STAG1: variants seen among roughly 807,000 people sequenced by gnomAD.
The protein encoded by STAG1 is cohesin subunit SA-1.
Under a neutral mutation model 170.9 loss-of-function variants are expected in STAG1, and 26 were observed. The observed-to-expected ratio is 0.15, with a 90% CI of 0.11 to 0.21. STAG1 has a LOEUF of 0.21. Ranked by LOEUF, STAG1 falls within the 10% of genes least tolerant of loss-of-function variation. The pLI is 1.00. For missense variants in STAG1, 964 were observed against 1,509.5 expected, an observed-to-expected ratio of 0.64 and a Z score of 5.99; for synonymous variants, 514 against 497.7, an observed-to-expected ratio of 1.03 and a Z score of -0.44.
At chr3:136,640,236 A>G (rs1029299833) in intron 1 of STAG1, among the ~76,000 whole-genome samples, 1 of 152,242 alleles carries the variant, frequency 6.6e-6, no homozygotes, top group African/African-American at 2.4e-5. Context: ...AGGAAAAGTT[A>G]TTTTATAACA....
intron 4 of STAG1, among the ~76,000 whole-genome samples, chr3:136,575,954 A>T (rs182709633): frequency 3.5e-4 from 54 of 152,312 alleles, no homozygotes; most frequent in African/African-American, 1.3e-3. Context: ...CTTTTGGTAG[A>T]TAGCAAGTCA....
At chr3:136,723,342 C>T (rs1345821639) in intron 1 of STAG1, among the ~76,000 whole-genome samples, 6 of 150,406 alleles carry the variant, frequency 4.0e-5, no homozygotes, top group Admixed American at 1.3e-4. Context: ...CTCTGCCCCG[C>T]CGCCCCGTCT....
At chr3:136,661,050 G>A (rs1290227079) in intron 1 of STAG1, among the ~76,000 whole-genome samples, 1 of 152,134 alleles carries the variant, frequency 6.6e-6, no homozygotes, top group Non-Finnish European at 1.5e-5. Context: ...TGTATAACAA[G>A]GATGAAAAAG....
intron 1 of STAG1, among the ~76,000 whole-genome samples, chr3:136,722,090 G>A (rs1268592016): frequency 6.6e-6 from 1 of 151,896 alleles, no homozygotes; most frequent in Non-Finnish European, 1.5e-5. Flanking sequence ...AGGCATGGTG[G>A]TGCACACCTG....
intron 1 of STAG1, among the ~76,000 whole-genome samples, chr3:136,748,074 C>A (rs1935039744): frequency 6.7e-6 from 1 of 148,776 alleles, no homozygotes; most frequent in Non-Finnish European, 1.5e-5. Flanking sequence ...CGCGCCTGGC[C>A]AAGAATTATG....
At chr3:136,341,315 G>T in intron 31 of STAG1, 126 bp downstream of exon 31, 1 of 647,130 alleles carries the variant, frequency 1.5e-6, no homozygotes, top group Non-Finnish European at 2.7e-6. Flanking sequence ...TTCCTATGCT[G>T]CATAGCATAT....
At chr3:136,664,966 A>G (rs946540524) in intron 1 of STAG1, among the ~76,000 whole-genome samples, 7 of 152,228 alleles carry the variant, frequency 4.6e-5, no homozygotes, top group African/African-American at 1.7e-4. Context: ...GAAACTGCAA[A>G]CCACAAAGGA....
chr3:136,708,880 C>A (rs374124990), intron 1 of STAG1, among the ~76,000 whole-genome samples: 53 of 151,092 alleles, frequency 3.5e-4, no homozygotes, highest in African/African-American at 1.0e-3. Flanking sequence ...TCACAGCTCA[C>A]TGCAGCCTCA....
At chr3:136,436,146 G>A (rs555174646) in intron 15 of STAG1, among the ~76,000 whole-genome samples, 18 of 152,104 alleles carry the variant, frequency 1.2e-4, no homozygotes, top group Non-Finnish European at 2.2e-4. Context: ...AGGAGAGTCG[G>A]GGTTTCACCA....
intron 5 of STAG1, among the ~76,000 whole-genome samples, chr3:136,555,711 C>T (rs1185118276): frequency 1.3e-5 from 2 of 151,428 alleles, no homozygotes; most frequent in East Asian, 3.9e-4. Flanking sequence ...ATCAGTCAAT[C>T]AATCAATCAA....
intron 5 of STAG1, among the ~76,000 whole-genome samples, chr3:136,555,598 C>T (rs1327451837): frequency 1.3e-5 from 2 of 152,046 alleles, no homozygotes; most frequent in South Asian, 2.1e-4. Flanking sequence ...TAGTAGAATC[C>T]GCTTGAACCC....
At chr3:136,475,138 CTTTTTTTTTTTTTTT>C (rs10686674) in intron 10 of STAG1, among the ~76,000 whole-genome samples, 1 of 76,002 alleles carries the variant, frequency 1.3e-5, no homozygotes, top group Non-Finnish European at 2.3e-5. Context: ...TTATAGGTTC[CTTTTTTTTTTTTTTT>C]TTTTTTTTTT....
intron 7 of STAG1, among the ~76,000 whole-genome samples, chr3:136,504,761 C>T (rs909401768): frequency 6.6e-6 from 1 of 152,170 alleles, no homozygotes; most frequent in African/African-American, 2.4e-5. Context: ...TTGCAATTCA[C>T]CAGTGGAAAC....
At chr3:136,380,332 C>T (rs1306028776) in intron 22 of STAG1, among the ~76,000 whole-genome samples, 1 of 151,930 alleles carries the variant, frequency 6.6e-6, no homozygotes, top group African/African-American at 2.4e-5. Flanking sequence ...GCCTCTGTCT[C>T]CCGGGTTCAA....
rs201648959 is a variant in STAG1, at chr3:136,341,509, T to G, written c.3489A>C (p.Glu1163Asp). ...QISWLGQPKL[E>D]DLNRKDRTGM... is the part of the protein sequence containing the mutation. Reference sequence around the variant, plus strand: ...CTGTTCTGTCCTTCCGATTTAAGTCTTCTAACTTCGGCTGGCCTAACCAAG... The same window carrying G: ...CTGTTCTGTCCTTCCGATTTAAGTCGTCTAACTTCGGCTGGCCTAACCAAG... The change falls in exon 31 of 34, where the codon GAA becomes GAC. Residue 1163 changes from glutamate to aspartate, a missense_variant. Coordinates refer to ENST00000383202, the MANE Select transcript of STAG1 (RefSeq NM_005862.3). 2.5e-6 allele frequency: 4 copies of G among 1,613,970 alleles called. No individual in the cohort carries two copies. Among genetic ancestry groups the G allele is most frequent in the South Asian group, 1.1e-5 (1 of 91,072 alleles).
intron 5 of STAG1, among the ~76,000 whole-genome samples, chr3:136,545,016 G>C (rs1450002011): frequency 2.0e-5 from 3 of 151,946 alleles, no homozygotes; most frequent in Admixed American, 2.0e-4. Flanking sequence ...GCATATGACA[G>C]GATCATTTTT....
chr3:136,522,739 G>C (rs1255336729), intron 6 of STAG1, among the ~76,000 whole-genome samples: 1 of 110,298 alleles, frequency 9.1e-6, no homozygotes, highest in Non-Finnish European at 1.8e-5. Context: ...CCCACGGCAG[G>C]TCCCAGCGTG....
chr3:136,715,519 C>G (rs2107923858), intron 1 of STAG1, among the ~76,000 whole-genome samples: 1 of 152,064 alleles, frequency 6.6e-6, no homozygotes, highest in South Asian at 2.1e-4. Context: ...ACTTAGGAGG[C>G]TGAGGCAGGA....
At chr3:136,620,996 C>T (rs775068868) in intron 3 of STAG1, among the ~76,000 whole-genome samples, 9 of 152,024 alleles carry the variant, frequency 5.9e-5, no homozygotes, top group Non-Finnish European at 8.8e-5. Flanking sequence ...GGTGTGGTGG[C>T]GCACGCCTGT....
Sources: allele counts gnomAD v4.1 joint callset (sites outside exome capture counted in the v4.1 genomes callset), GRCh38; gene constraint gnomAD v4.1.1; transcripts MANE v1.5; gene names NCBI Gene and HGNC (gene_info 2026-07-23, HGNC 2026-07-21).